Variants in SPIDR observed in about 807,000 individuals in gnomAD.
SPIDR encodes the protein DNA repair-scaffolding protein.
Under a neutral mutation model 104.6 loss-of-function variants are expected in SPIDR, and 93 were observed. The observed-to-expected ratio is 0.89, with a 90% CI of 0.75 to 1.06. SPIDR has a LOEUF of 1.06. Ranked by LOEUF, SPIDR falls within the 50% of genes least tolerant of loss-of-function variation. The pLI is 0.00. For synonymous variants in SPIDR, 431 were observed against 416.9 expected (o/e 1.03, Z -0.41); for missense variants, 1,154 against 1,111.2 (o/e 1.04, Z -0.55).
intron 8 of SPIDR, among the ~76,000 whole-genome samples, chr8:47,491,871 C>T (rs550078880): frequency 6.6e-6 from 1 of 152,180 alleles, no homozygotes; most frequent in African/African-American, 2.4e-5. Context: ...AAAAGAAAAC[C>T]AGCCAATATT....
At chr8:47,683,675 C>G (rs1487265894) in intron 11 of SPIDR, among the ~76,000 whole-genome samples, 1 of 152,190 alleles carries the variant, frequency 6.6e-6, no homozygotes, top group Admixed American at 6.5e-5. Flanking sequence ...CTCCAAAGAG[C>G]ATTTCCTTTG....
chr8:47,563,935 C>T (rs2057412320), intron 8 of SPIDR, among the ~76,000 whole-genome samples: 1 of 152,094 alleles, frequency 6.6e-6, no homozygotes, highest in Admixed American at 6.6e-5. Context: ...CTTTCCTGTT[C>T]AGTCTGAGGT....
intron 10 of SPIDR, among the ~76,000 whole-genome samples, chr8:47,663,036 A>C (rs1366165729): frequency 1.3e-5 from 2 of 152,218 alleles, no homozygotes; most frequent in Non-Finnish European, 2.9e-5. Context: ...CAAATGGACT[A>C]AGACACCTGT....
chr8:47,701,973 C>G lies in SPIDR; in HGVS notation c.1935C>G (p.Thr645=), dbSNP rs772144417. Residue 645 remains threonine (T), a synonymous_variant, in exon 14 of 20, where the codon ACC becomes ACG. Transcript: ENST00000297423. The part of the protein sequence containing the change: ...RDILQMNDLG[T]RCSFYATVIY... The stretch of plus-strand genomic sequence containing the variant: ...CTTTCCAGATGAATGATCTTGGTAC[C>G]CGTTGCAGTTTCTATGCCACGGTGA... The G allele has an allele frequency of 6.2e-7, 1 of 1,613,716 alleles. No homozygotes were observed. Among genetic ancestry groups the G allele is most frequent in the East Asian group, 2.2e-5 (1 of 44,874 alleles).
chr8:47,722,693 G>A (rs913798310), intron 16 of SPIDR, among the ~76,000 whole-genome samples: 2 of 152,108 alleles, frequency 1.3e-5, no homozygotes, highest in African/African-American at 4.8e-5. Flanking sequence ...GATTCTCAAA[G>A]ATGAAAATCA....
At chr8:47,323,061 G>A (rs538532926) in intron 5 of SPIDR, among the ~76,000 whole-genome samples, 7 of 151,270 alleles carry the variant, frequency 4.6e-5, no homozygotes, top group South Asian at 2.1e-4. Context: ...CACATTGTGC[G>A]CATGTACCCG....
intron 7 of SPIDR, among the ~76,000 whole-genome samples, chr8:47,425,578 G>T (rs1461224595): frequency 7.2e-5 from 11 of 152,114 alleles, no homozygotes; most frequent in African/African-American, 2.4e-4. Context: ...GATGGTGGAA[G>T]TTTTGCTATC....
intron 3 of SPIDR, among the ~76,000 whole-genome samples, chr8:47,290,255 C>G (rs1360166283): frequency 6.6e-6 from 1 of 152,064 alleles, no homozygotes; most frequent in African/African-American, 2.4e-5. Flanking sequence ...GTTGGCCAGG[C>G]TGGTCTCGAT....
At chr8:47,313,359 C>T (rs587637484) in intron 5 of SPIDR, among the ~76,000 whole-genome samples, 2 of 152,018 alleles carry the variant, frequency 1.3e-5, no homozygotes, top group African/African-American at 4.8e-5. Context: ...TTACAAGGGA[C>T]GTGAAGGACC....
intron 8 of SPIDR, among the ~76,000 whole-genome samples, chr8:47,587,803 T>A (rs114323971): frequency 0.018 from 2,644 of 146,472 alleles, 81 homozygotes; most frequent in African/African-American, 0.063. Context: ...GAGATCAATT[T>A]AAAAAAAAAA....
chr8:47,450,737 A>G (rs2071564159), intron 8 of SPIDR, among the ~76,000 whole-genome samples: 1 of 152,238 alleles, frequency 6.6e-6, no homozygotes, highest in African/African-American at 2.4e-5. Flanking sequence ...GAGTGATGTC[A>G]TGAAAATGGT....
chr8:47,674,432 G>A (rs2076163492), intron 11 of SPIDR, among the ~76,000 whole-genome samples: 2 of 152,106 alleles, frequency 1.3e-5, no homozygotes, highest in African/African-American at 4.8e-5. Flanking sequence ...GGCAGAGGTG[G>A]AGTGTTACAA....
chr8:47,444,445 T>A (rs1395495554), intron 8 of SPIDR, among the ~76,000 whole-genome samples: 1 of 152,270 alleles, frequency 6.6e-6, no homozygotes, highest in Non-Finnish European at 1.5e-5. Flanking sequence ...CATCCCAGTA[T>A]GCTGGAAGAG....
intron 11 of SPIDR, among the ~76,000 whole-genome samples, chr8:47,699,845 G>A (rs1329354696): frequency 6.6e-6 from 1 of 152,192 alleles, no homozygotes; most frequent in African/African-American, 2.4e-5. Context: ...ATGAGCCACC[G>A]CACCCAGCCC....
chr8:47,680,173 C>T (rs1051545656), intron 11 of SPIDR, among the ~76,000 whole-genome samples: 2 of 152,160 alleles, frequency 1.3e-5, no homozygotes, highest in Non-Finnish European at 2.9e-5. Flanking sequence ...CACTTTATCA[C>T]GGATGGCAAG....
intron 5 of SPIDR, among the ~76,000 whole-genome samples, chr8:47,297,578 G>T (rs1366679101): frequency 6.6e-6 from 1 of 151,982 alleles, no homozygotes; most frequent in Non-Finnish European, 1.5e-5. Context: ...TTTAACATCA[G>T]GTATATCTCC....
intron 10 of SPIDR, among the ~76,000 whole-genome samples, chr8:47,646,405 A>G (rs1186769472): frequency 6.6e-6 from 1 of 152,230 alleles, no homozygotes; most frequent in Non-Finnish European, 1.5e-5. Context: ...TCTTTGACCC[A>G]GCACTTCTAC....
intron 11 of SPIDR, among the ~76,000 whole-genome samples, chr8:47,697,509 G>A (rs1422943630): frequency 6.6e-6 from 1 of 152,136 alleles, no homozygotes; most frequent in Non-Finnish European, 1.5e-5. Context: ...AAGTCTTTCA[G>A]CTTCCTGAGC....
chr8:47,727,696 A>C (rs1427728617), intron 17 of SPIDR, among the ~76,000 whole-genome samples: 1 of 152,150 alleles, frequency 6.6e-6, no homozygotes, highest in Admixed American at 6.5e-5. Flanking sequence ...TGCCCACCCC[A>C]CTATGCTGCC....
Sources: gnomAD v4.1 joint callset for allele counts (sites outside exome capture counted in the v4.1 genomes callset) on GRCh38, gnomAD v4.1.1 for gene constraint, MANE v1.5 for transcripts, NCBI Gene and HGNC (gene_info 2026-07-23, HGNC 2026-07-21) for gene names.